Variants in HIBADH observed in about 807,000 individuals in gnomAD.
The protein encoded by HIBADH is 3-hydroxyisobutyrate dehydrogenase, also known as 3-hydroxyisobutyrate dehydrogenase, mitochondrial.
Under a neutral mutation model 36.1 loss-of-function variants are expected in HIBADH, and 25 were observed. The ratio of observed to expected loss-of-function variants is 0.69; its 90% CI spans 0.50 to 0.97. HIBADH has a LOEUF of 0.97. HIBADH is among the 50% of genes least tolerant of loss of function. The probability of loss-of-function intolerance (pLI) is 0.00; values close to 1 mark genes in which losing one functional copy is unlikely to be tolerated. For missense variants in HIBADH, 421 were observed against 418.0 expected, an observed-to-expected ratio of 1.01 and a Z score of -0.06; for synonymous variants, 160 against 149.5, an observed-to-expected ratio of 1.07 and a Z score of -0.51.
chr7:27,567,693 CATACT>C (rs1035367059), intron 4 of HIBADH, among the ~76,000 whole-genome samples: 1 of 62,826 alleles, frequency 1.6e-5, no homozygotes, highest in Non-Finnish European at 2.9e-5. Context: ...TTACAATATA[CATACT>C]AAAGTTTTCA....
At chr7:27,624,713 T>C (rs1044303469) in intron 4 of HIBADH, among the ~76,000 whole-genome samples, 1 of 152,220 alleles carries the variant, frequency 6.6e-6, no homozygotes, top group Non-Finnish European at 1.5e-5. Flanking sequence ...TAAAGAACCA[T>C]CATATCAGTC....
intron 4 of HIBADH, among the ~76,000 whole-genome samples, chr7:27,559,702 A>T (rs2128186633): frequency 1.3e-5 from 2 of 152,324 alleles, no homozygotes; most frequent in Non-Finnish European, 2.9e-5. Context: ...TGCCCTTGTG[A>T]TTAGGGAATA....
At chr7:27,568,435 C>CA (rs975501402) in intron 4 of HIBADH, among the ~76,000 whole-genome samples, 3 of 151,832 alleles carry the variant, frequency 2.0e-5, no homozygotes, top group African/African-American at 7.3e-5. Flanking sequence ...TAGCTGATCT[C>CA]AAACAATTTT....
chr7:27,527,143 A>G (rs1783914969), intron 7 of HIBADH, among the ~76,000 whole-genome samples: 2 of 152,100 alleles, frequency 1.3e-5, no homozygotes. Context: ...GATGAAAGCA[A>G]GGAGAGGGGG....
chr7:27,624,299 C>T (rs1785600831), intron 4 of HIBADH, among the ~76,000 whole-genome samples: 1 of 152,208 alleles, frequency 6.6e-6, no homozygotes, highest in Non-Finnish European at 1.5e-5. Context: ...TACCTGACTT[C>T]AAAACATATT....
Position 27,614,042 on chromosome 7 carries a change from G to A in HIBADH, c.484+15329C>T, listed in dbSNP as rs150022285. Among the ~76,000 whole-genome samples, 42 of 152,288 alleles carry A rather than the reference G, an allele frequency of 2.8e-4. No individual in the cohort carries two copies. In the East Asian group the frequency reaches 7.3e-3, roughly 27 times the overall value. ...GTAAATAATAAAAGTCAACCGAGAT[G>A]GGATGAGGACTGTTTCTTTATAGTG... On this transcript the variant is annotated intron_variant, in intron 4 of 7. Transcript: ENST00000265395.
intron 1 of HIBADH, among the ~76,000 whole-genome samples, chr7:27,655,912 T>G (rs1282364484): frequency 1.3e-5 from 2 of 152,146 alleles, no homozygotes; most frequent in African/African-American, 4.8e-5. Flanking sequence ...TCATATACTG[T>G]CAAATTGTAT....
intron 1 of HIBADH, among the ~76,000 whole-genome samples, chr7:27,654,549 T>C (rs1462023637): frequency 6.6e-6 from 1 of 152,106 alleles, no homozygotes; most frequent in African/African-American, 2.4e-5. Flanking sequence ...GAGAAGACAG[T>C]GGTGCAACAT....
chr7:27,585,356 C>T (rs769860530), intron 4 of HIBADH, among the ~76,000 whole-genome samples: 11 of 152,042 alleles, frequency 7.2e-5, no homozygotes, highest in Non-Finnish European at 1.5e-5. Context: ...GTTCAAATAA[C>T]TTACATCACC....
At chr7:27,553,874 G>C (rs1439285200) in intron 4 of HIBADH, among the ~76,000 whole-genome samples, 3 of 152,190 alleles carry the variant, frequency 2.0e-5, no homozygotes, top group Non-Finnish European at 4.4e-5. Context: ...TTGAGATGGA[G>C]TTTTGCTCTT....
intron 4 of HIBADH, among the ~76,000 whole-genome samples, chr7:27,620,950 T>C (rs1169713464): frequency 1.4e-5 from 2 of 145,856 alleles, no homozygotes; most frequent in East Asian, 4.0e-4. Context: ...TGAATGGATT[T>C]AAAAAAAAAA....
chr7:27,618,451 G>A (rs961725), intron 4 of HIBADH, among the ~76,000 whole-genome samples: 120,840 of 152,186 alleles, frequency 0.79, 48,369 homozygotes, highest in East Asian at 0.97. Flanking sequence ...ACCAGCCCAC[G>A]CAGATAGGGA....
intron 4 of HIBADH, among the ~76,000 whole-genome samples, chr7:27,600,234 A>C (rs1204873232): frequency 1.3e-5 from 2 of 152,108 alleles, no homozygotes; most frequent in Non-Finnish European, 2.9e-5. Flanking sequence ...TCTATCTTCA[A>C]AAAACACATC....
intron 4 of HIBADH, among the ~76,000 whole-genome samples, chr7:27,581,605 C>T (rs1369843220): frequency 1.3e-5 from 2 of 152,048 alleles, no homozygotes; most frequent in African/African-American, 4.8e-5. Flanking sequence ...TTATGATATA[C>T]AACATATTTC....
intron 4 of HIBADH, among the ~76,000 whole-genome samples, chr7:27,586,632 G>GGGAAGA (rs1784868542): frequency 6.6e-6 from 1 of 151,936 alleles, no homozygotes; most frequent in Non-Finnish European, 1.5e-5. Context: ...GAAGGGGAAG[G>GGGAAGA]GGAGAGACAG....
chr7:27,562,665 C>T (rs1314655748), intron 4 of HIBADH, among the ~76,000 whole-genome samples: 1 of 152,090 alleles, frequency 6.6e-6, no homozygotes, highest in East Asian at 1.9e-4. Flanking sequence ...GCTATGTTGC[C>T]CAGGGTGGTC....
intron 4 of HIBADH, among the ~76,000 whole-genome samples, chr7:27,588,951 G>A (rs1379689695): frequency 2.0e-5 from 3 of 152,022 alleles, no homozygotes; most frequent in South Asian, 2.1e-4. Context: ...TGAGAGACCC[G>A]ACCACAGTTT....
chr7:27,651,140 G>A (rs1396992219), intron 1 of HIBADH, among the ~76,000 whole-genome samples: 1 of 152,164 alleles, frequency 6.6e-6, no homozygotes, highest in Non-Finnish European at 1.5e-5. Flanking sequence ...CCCCTCAACT[G>A]AACTTAATCT....
At chr7:27,612,282 A>G (rs1242486784) in intron 4 of HIBADH, among the ~76,000 whole-genome samples, 1 of 151,932 alleles carries the variant, frequency 6.6e-6, no homozygotes, top group Non-Finnish European at 1.5e-5. Flanking sequence ...AAAGAAATGC[A>G]GACCTTGATT....
Sources: gnomAD v4.1 joint callset for allele counts (sites outside exome capture counted in the v4.1 genomes callset) on GRCh38, gnomAD v4.1.1 for gene constraint, MANE v1.5 for transcripts, NCBI Gene and HGNC (gene_info 2026-07-23, HGNC 2026-07-21) for gene names.